The following SGCZ variants were observed in gnomAD, a reference collection of about 807,000 sequenced individuals.
SGCZ encodes the protein zeta-sarcoglycan.
A neutral mutation model predicts 41.3 loss-of-function variants in SGCZ; 40 were observed. The observed-to-expected ratio is 0.97, with a 90% confidence interval of 0.75 to 1.26. The LOEUF is 1.26. Ranked by LOEUF, SGCZ falls within the 50% of genes most tolerant of loss-of-function variation. The pLI, the probability that SGCZ is intolerant of heterozygous loss-of-function variation, is 0.00. For missense variants in SGCZ, 552 were observed against 369.8 expected, an observed-to-expected ratio of 1.49 and a Z score of -4.04; for synonymous variants, 206 against 137.5, an observed-to-expected ratio of 1.50 and a Z score of -3.49.
chr8:15,202,995 A>T (rs954323353), intron 1 of SGCZ, among the ~76,000 whole-genome samples: 1 of 152,038 alleles, frequency 6.6e-6, no homozygotes, highest in Admixed American at 6.6e-5. Context: ...TTGTAATTCC[A>T]GCTACTTGGG....
rs1394085283 is a variant in SGCZ, at chr8:14,239,916, A to C, written c.337-2237T>G. Among the ~76,000 whole-genome samples the C allele has an allele frequency of 8.2e-4, 77 of 93,412 alleles. 1 individual carries two copies. Among genetic ancestry groups the C allele is most frequent in the Non-Finnish European group, 1.4e-3 (45 of 32,096 alleles). 61.3% of individuals were successfully genotyped at this position (93,412 alleles called of 152,430 possible). A position where few individuals can be genotyped will look rare whatever the true frequency, so the allele number is the denominator to read the frequency against. ...GACTCCGTCTCAAAAAAAAAAAAAA[A>C]AAAAAAAAAAAAAAAAAAAAGAATT... On this transcript the variant is annotated intron_variant, in intron 3 of 7. Coordinates refer to ENST00000382080, the MANE Select transcript of SGCZ (RefSeq NM_139167.4).
intron 1 of SGCZ, among the ~76,000 whole-genome samples, chr8:14,958,142 T>G (rs1423623689): frequency 6.6e-6 from 1 of 152,102 alleles, no homozygotes; most frequent in Non-Finnish European, 1.5e-5. Flanking sequence ...CTTTTTTATT[T>G]GAAATTTTTT....
chr8:14,330,239 C>T (rs1329296243), intron 2 of SGCZ, among the ~76,000 whole-genome samples: 1 of 151,988 alleles, frequency 6.6e-6, no homozygotes, highest in African/African-American at 2.4e-5. Context: ...TTCATTTCTT[C>T]ATCTTACATA....
intron 1 of SGCZ, among the ~76,000 whole-genome samples, chr8:15,077,012 G>A (rs1451206300): frequency 1.3e-5 from 2 of 152,118 alleles, no homozygotes; most frequent in Non-Finnish European, 2.9e-5. Context: ...CTCAAATAGG[G>A]TTTTAAGTTA....
chr8:14,307,248 T>A (rs1256530844), intron 3 of SGCZ, among the ~76,000 whole-genome samples: 3 of 152,158 alleles, frequency 2.0e-5, no homozygotes, highest in East Asian at 3.8e-4. Flanking sequence ...ATTTCAAAAT[T>A]AATACTTTTG....
At chr8:15,172,119 CTTAGT>C in intron 1 of SGCZ, among the ~76,000 whole-genome samples, 1 of 129,606 alleles carries the variant, frequency 7.7e-6, no homozygotes, top group Middle Eastern at 4.2e-3. Context: ...TTATATTTTA[CTTAGT>C]TTAAAGGAAA....
intron 1 of SGCZ, among the ~76,000 whole-genome samples, chr8:14,903,164 C>A (rs536459092): frequency 9.2e-5 from 14 of 152,162 alleles, no homozygotes; most frequent in African/African-American, 3.1e-4. Context: ...GCCTCAATGA[C>A]TATAATGAGT....
At chr8:14,406,786 A>G (rs537346571) in intron 2 of SGCZ, among the ~76,000 whole-genome samples, 5 of 152,152 alleles carry the variant, frequency 3.3e-5, no homozygotes, top group African/African-American at 1.2e-4. Context: ...CCACCCTTTA[A>G]TTTGAAAATA....
intron 3 of SGCZ, among the ~76,000 whole-genome samples, chr8:14,297,548 G>C (rs943283606): frequency 6.6e-6 from 1 of 151,532 alleles, no homozygotes; most frequent in Non-Finnish European, 1.5e-5. Context: ...CAAAATTACC[G>C]CTTTCTAGAA....
intron 2 of SGCZ, among the ~76,000 whole-genome samples, chr8:14,350,869 G>A (rs975457565): frequency 6.6e-6 from 1 of 152,086 alleles, no homozygotes; most frequent in Admixed American, 6.6e-5. Flanking sequence ...AACATATTTT[G>A]CTGAAATAAC....
chr8:14,601,721 A>G (rs904851786), intron 1 of SGCZ, among the ~76,000 whole-genome samples: 1 of 152,238 alleles, frequency 6.6e-6, no homozygotes, highest in Non-Finnish European at 1.5e-5. Context: ...CTATAAGGAT[A>G]CATTTCAGTG....
chr8:15,167,589 T>C (rs1307865450), intron 1 of SGCZ, among the ~76,000 whole-genome samples: 4 of 152,188 alleles, frequency 2.6e-5, no homozygotes, highest in African/African-American at 9.7e-5. Context: ...AAATAATTAT[T>C]CTTTCTGCGC....
intron 6 of SGCZ, among the ~76,000 whole-genome samples, chr8:14,105,529 A>G (rs555722166): frequency 8.6e-4 from 131 of 152,254 alleles, no homozygotes; most frequent in African/African-American, 2.7e-3. Context: ...CAAGGCTTGT[A>G]AAGTTTTTCT....
intron 2 of SGCZ, among the ~76,000 whole-genome samples, chr8:14,453,971 A>G (rs1366437739): frequency 6.6e-6 from 1 of 151,918 alleles, no homozygotes; most frequent in Non-Finnish European, 1.5e-5. Flanking sequence ...TTGGTTATTT[A>G]CACATTAATG....
intron 1 of SGCZ, among the ~76,000 whole-genome samples, chr8:14,951,211 T>C (rs920854656): frequency 1.2e-4 from 18 of 152,148 alleles, no homozygotes; most frequent in Non-Finnish European, 1.9e-4. Context: ...ATATTTGTTA[T>C]GCTGACTTAA....
At chr8:14,459,411 G>C (rs1800838478) in intron 2 of SGCZ, among the ~76,000 whole-genome samples, 1 of 150,902 alleles carries the variant, frequency 6.6e-6, no homozygotes, top group African/African-American at 2.5e-5. Context: ...AAACCTTAAA[G>C]TATAATAAAA....
Position 14,282,409 on chromosome 8 carries a change from T to C in SGCZ, c.336+41694A>G, listed in dbSNP as rs1012816693. Among the ~76,000 whole-genome samples, 4 of 152,312 alleles carry C rather than the reference T, an allele frequency of 2.6e-5. No homozygotes were observed. In the East Asian group the frequency reaches 5.8e-4, roughly 22 times the overall value. The stretch of plus-strand genomic sequence containing the variant: ...TCTATCATCTTCCTAACCTCATTTA[T>C]GGCAGTAACTATCTCTTGATCCCTC... On this transcript the variant is annotated intron_variant, in intron 3 of 7. Coordinates refer to ENST00000382080, the MANE Select transcript of SGCZ (RefSeq NM_139167.4).
intron 1 of SGCZ, among the ~76,000 whole-genome samples, chr8:14,779,061 T>C (rs923940478): frequency 2.0e-5 from 3 of 152,140 alleles, no homozygotes; most frequent in African/African-American, 7.2e-5. Flanking sequence ...AAAAGCTAAA[T>C]ACAACTCAAG....
intron 3 of SGCZ, among the ~76,000 whole-genome samples, chr8:14,287,477 G>T (rs1800681634): frequency 6.6e-6 from 1 of 151,768 alleles, no homozygotes. Flanking sequence ...ACAGTTTATT[G>T]CCCTGTAAGA....
Sources: gnomAD v4.1 joint callset for allele counts (sites outside exome capture counted in the v4.1 genomes callset) on GRCh38, gnomAD v4.1.1 for gene constraint, MANE v1.5 for transcripts, NCBI Gene and HGNC (gene_info 2026-07-23, HGNC 2026-07-21) for gene names.